Variants in CCDC102B observed in about 807,000 individuals in gnomAD.
CCDC102B encodes the protein coiled-coil domain containing 102B, also known as coiled-coil domain-containing protein 102B.
CCDC102B carries 75 observed loss-of-function variants against 57.4 expected under a neutral mutation model. That is an observed-to-expected ratio of 1.31 (90% confidence interval 1.08 to 1.58). CCDC102B has a LOEUF of 1.58. Among genes scored for constraint, CCDC102B ranks in the 40% most tolerant of loss-of-function variants. CCDC102B has a pLI of 0.00. For missense variants in CCDC102B, 636 were observed against 582.6 expected (o/e 1.09, Z -0.94); for synonymous variants, 206 against 201.9 (o/e 1.02, Z -0.17).
chr18:68,731,713 ATATAT>A (rs920244641), intron 2 of CCDC102B, among the ~76,000 whole-genome samples: 2 of 148,900 alleles, frequency 1.3e-5, no homozygotes, highest in Non-Finnish European at 3.0e-5. Flanking sequence ...ATATAATATA[ATATAT>A]GTTATATGAT....
At position 68,838,944 on chromosome 18, in the gene CCDC102B, T is replaced by C. The variant is rs906351770; in HGVS notation, c.827+18T>C. The C allele has an allele frequency of 3.1e-6, 5 of 1,591,488 alleles. No individual in the cohort carries two copies. The highest frequency in any genetic ancestry group is 1.7e-5 in the Admixed American group (1 of 59,868). On this transcript the variant is annotated intron_variant, in intron 3 of 7. Transcript: ENST00000360242. ...GAAAGAGAGTAAGTGCTAATCATTG[T>C]CTCCCTTAACCAAGTCTAAGTTTCA... is the stretch of plus-strand genomic sequence containing the variant.
intron 1 of CCDC102B, among the ~76,000 whole-genome samples, chr18:68,821,100 T>C (rs2036672975): frequency 6.6e-6 from 1 of 152,174 alleles, no homozygotes; most frequent in Non-Finnish European, 1.5e-5. Context: ...ATGTAGAGGA[T>C]GTCCCAAAGT....
chr18:68,754,797 T>C (rs2033987163), intron 2 of CCDC102B: 1 of 152,168 alleles, frequency 6.6e-6, no homozygotes, highest in Non-Finnish European at 1.5e-5. Flanking sequence ...CGTGATTAGA[T>C]ACTGACTGGA....
At chr18:68,820,740 C>G (rs1369319384) in intron 1 of CCDC102B, among the ~76,000 whole-genome samples, 1 of 152,148 alleles carries the variant, frequency 6.6e-6, no homozygotes, top group Admixed American at 6.5e-5. Flanking sequence ...AATGTCCACT[C>G]TAACAGACAT....
intron 7 of CCDC102B, among the ~76,000 whole-genome samples, chr18:69,014,834 G>A (rs1346743580): frequency 6.6e-6 from 1 of 151,960 alleles, no homozygotes; most frequent in East Asian, 1.9e-4. Flanking sequence ...ATTGAACTTT[G>A]AGGCTAATGC....
At chr18:69,018,989 A>G (rs116829440) in intron 7 of CCDC102B, among the ~76,000 whole-genome samples, 165 of 152,210 alleles carry the variant, frequency 1.1e-3, no homozygotes, top group African/African-American at 3.8e-3. Context: ...TGTTGAAGGA[A>G]CTGTCATTTG....
intron 2 of CCDC102B, among the ~76,000 whole-genome samples, chr18:68,739,982 G>GTA (rs2033313231): frequency 6.6e-6 from 1 of 152,154 alleles, no homozygotes; most frequent in African/African-American, 2.4e-5. Context: ...GAATTAAGTG[G>GTA]TATTCTAAAA....
At chr18:69,018,047 A>C (rs543782776) in intron 7 of CCDC102B, among the ~76,000 whole-genome samples, 1 of 151,702 alleles carries the variant, frequency 6.6e-6, no homozygotes, top group South Asian at 2.1e-4. Flanking sequence ...CTGTGTGTGT[A>C]TGTGTATGTC....
At chr18:68,937,767 C>A (rs1245612054) in intron 6 of CCDC102B, among the ~76,000 whole-genome samples, 1 of 151,724 alleles carries the variant, frequency 6.6e-6, no homozygotes, top group Non-Finnish European at 1.5e-5. Context: ...ACCCCACCAG[C>A]CCCCTGACAG....
At chr18:68,850,365 G>GA (rs2038065567) in intron 4 of CCDC102B, among the ~76,000 whole-genome samples, 1 of 151,924 alleles carries the variant, frequency 6.6e-6, no homozygotes, top group Non-Finnish European at 1.5e-5. Context: ...AAGTGGAAGG[G>GA]TTTTTTTCTC....
At chr18:69,014,972 A>AGT (rs1474511159) in intron 7 of CCDC102B, among the ~76,000 whole-genome samples, 15 of 114,684 alleles carry the variant, frequency 1.3e-4, no homozygotes, top group South Asian at 7.4e-4. Context: ...AGAGAGAGAG[A>AGT]GAGAGAGTGT....
intron 2 of CCDC102B, among the ~76,000 whole-genome samples, chr18:68,732,417 C>G (rs2032919746): frequency 6.6e-6 from 1 of 151,560 alleles, no homozygotes; most frequent in Non-Finnish European, 1.5e-5. Context: ...GTGATCTCAG[C>G]TCATTGCAAC....
chr18:68,824,650 T>C (rs368159736), intron 1 of CCDC102B, among the ~76,000 whole-genome samples: 8 of 152,278 alleles, frequency 5.3e-5, no homozygotes, highest in African/African-American at 1.4e-4. Context: ...ATACATTTCA[T>C]TGGATAAAAT....
At chr18:68,723,887 G>A (rs533006725) in intron 2 of CCDC102B, among the ~76,000 whole-genome samples, 1 of 152,298 alleles carries the variant, frequency 6.6e-6, no homozygotes, top group Admixed American at 6.5e-5. Context: ...ATGCTGTGGT[G>A]GGGGCTGTGA....
intron 2 of CCDC102B, among the ~76,000 whole-genome samples, chr18:68,723,866 C>T (rs562459926): frequency 6.6e-6 from 1 of 152,300 alleles, no homozygotes; most frequent in African/African-American, 2.4e-5. Flanking sequence ...CTAGTCAGTG[C>T]CCCAGTGGGG....
At chr18:69,003,077 T>TC (rs1310503809) in intron 6 of CCDC102B, among the ~76,000 whole-genome samples, 7 of 152,138 alleles carry the variant, frequency 4.6e-5, no homozygotes, top group South Asian at 2.1e-4. Context: ...AAGAATATAC[T>TC]CCCCCAGACA....
chr18:68,806,610 C>A (rs537693804), intron 1 of CCDC102B, among the ~76,000 whole-genome samples: 2 of 151,968 alleles, frequency 1.3e-5, no homozygotes, highest in African/African-American at 4.8e-5. Context: ...CTGTAAAATT[C>A]TCTGTGGAAA....
At chr18:68,936,075 A>T (rs2049227869) in intron 6 of CCDC102B, among the ~76,000 whole-genome samples, 1 of 152,048 alleles carries the variant, frequency 6.6e-6, no homozygotes, top group Non-Finnish European at 1.5e-5. Context: ...CAATGGATGC[A>T]CAAAATTACT....
rs765741409 is a variant in CCDC102B, at chr18:68,897,360, A to G, written c.1195A>G (p.Arg399Gly). 1 of 1,613,010 alleles carries G rather than the reference A, an allele frequency of 6.2e-7. No homozygotes were observed. Among genetic ancestry groups the G allele is most frequent in the Non-Finnish European group, 8.5e-7 (1 of 1,179,272 alleles). ...EMEELLDKKN[R>G]LSANSQSPDF... is the part of the protein sequence containing the mutation. Reference sequence around the variant, plus strand: ...GGAAGAGCTTTTGGATAAGAAAAATAGATTAAGTGCAAACTCTCAAAGTCC... The same window carrying G: ...GGAAGAGCTTTTGGATAAGAAAAATGGATTAAGTGCAAACTCTCAAAGTCC... The change falls in exon 6 of 8, where the codon AGA (arginine) becomes GGA (glycine). Residue 399 changes from arginine (R) to glycine (G), a missense_variant. Arg to Gly is a moderately radical substitution (Grantham distance 125, BLOSUM62 -2). Transcript: ENST00000360242.
Sources: gnomAD v4.1 joint callset for allele counts (sites outside exome capture counted in the v4.1 genomes callset) on GRCh38, gnomAD v4.1.1 for gene constraint, MANE v1.5 for transcripts, NCBI Gene and HGNC (gene_info 2026-07-23, HGNC 2026-07-21) for gene names.